Variants in TASOR observed in about 807,000 individuals in gnomAD.
TASOR encodes transcription activation suppressor.
TASOR carries 53 observed loss-of-function variants against 178.6 expected under a neutral mutation model. The ratio of observed to expected loss-of-function variants is 0.30; its 90% CI spans 0.24 to 0.37. TASOR has a LOEUF of 0.37. Among genes scored for constraint, TASOR ranks in the 10% least tolerant of loss-of-function variants. TASOR has a pLI of 1.00. For missense variants in TASOR, 1,815 were observed against 1,971.4 expected (o/e 0.92, Z 1.50); for synonymous variants, 713 against 696.2 (o/e 1.02, Z -0.38).
At position 56,682,938 on chromosome 3, in the gene TASOR, T is replaced by G; in HGVS notation, c.69A>C (p.Gly23=). ...TDASWESGGG[G]DDEMKQALPE... ...GAAGCGCCTGCTTCATCTCGTCGTC[T>G]CCGCCGCCGCCACTTTCCCAACTCG... The change falls in exon 1 of 24, where the codon GGA becomes GGC. Residue 23 remains glycine (G), a synonymous_variant. Transcript: ENST00000683822. 6.5e-7 allele frequency: 1 copy of G among 1,549,108 alleles called. No individual in the cohort carries two copies. Among genetic ancestry groups the G allele is most frequent in the South Asian group, 1.2e-5 (1 of 84,018 alleles).
At chr3:56,638,979 G>A (rs939906696) in intron 16 of TASOR, among the ~76,000 whole-genome samples, 23 of 152,090 alleles carry the variant, frequency 1.5e-4, no homozygotes, top group African/African-American at 2.4e-5. Flanking sequence ...AATGAGAAAC[G>A]GTTAGGATAA....
At chr3:56,644,336 G>GT (rs55646706) in intron 14 of TASOR, among the ~76,000 whole-genome samples, 28,159 of 152,120 alleles carry the variant, frequency 0.19, 3,428 homozygotes, top group South Asian at 0.41. Context: ...AGATAAGACA[G>GT]TATGTGTCAG....
At chr3:56,681,780 T>G (rs2031813644) in intron 1 of TASOR, among the ~76,000 whole-genome samples, 1 of 152,202 alleles carries the variant, frequency 6.6e-6, no homozygotes, top group South Asian at 2.1e-4. Flanking sequence ...AATTTTGACC[T>G]CCATTAGGAA....
intron 1 of TASOR, among the ~76,000 whole-genome samples, chr3:56,678,871 C>T (rs1395177919): frequency 2.0e-5 from 3 of 151,972 alleles, no homozygotes; most frequent in East Asian, 3.9e-4. Flanking sequence ...ATTAGCTGGG[C>T]GTGGTGGCAC....
chr3:56,631,997 A>C (rs7620259), intron 18 of TASOR, among the ~76,000 whole-genome samples: 1 of 151,982 alleles, frequency 6.6e-6, no homozygotes, highest in Non-Finnish European at 1.5e-5. Context: ...AAGATTATCA[A>C]GTTTCTTGAT....
In TASOR at chr3:56,623,536, T is replaced by A; in HGVS notation, c.4514A>T (p.Glu1505Val). Residue 1505 changes from glutamate (E) to valine (V), a missense_variant, in exon 24 of 24, where the codon GAG becomes GTG. Physicochemically the swap from Glu to Val is moderately radical, Grantham distance 121. Around this residue, in one of 5 missense-constraint regions of TASOR, gnomAD observed 278 missense variants for 257.1 expected, o/e 1.08. Coordinates refer to ENST00000683822, the MANE Select transcript of TASOR (RefSeq NM_001365635.2). The part of the protein sequence containing the change: ...ALLENDEKDE[E>V]DMSLDSGDEI... Reference sequence around the variant, plus strand: ...ATCCCCTGAATCCAGAGACATATCCTCTTCATCCTTTTCATCGTTTTCTAA... The same window carrying A: ...ATCCCCTGAATCCAGAGACATATCCACTTCATCCTTTTCATCGTTTTCTAA... 6.3e-7 allele frequency: 1 copy of A among 1,580,858 alleles called. No homozygotes were observed.
At chr3:56,642,829 C>A (rs1180478185) in intron 14 of TASOR, among the ~76,000 whole-genome samples, 2 of 151,956 alleles carry the variant, frequency 1.3e-5, no homozygotes, top group African/African-American at 4.8e-5. Context: ...ACAAAAAATT[C>A]GCTGGGCGTA....
chr3:56,675,330 C>T (rs771531536), intron 1 of TASOR, among the ~76,000 whole-genome samples: 14 of 152,010 alleles, frequency 9.2e-5, no homozygotes, highest in Non-Finnish European at 2.1e-4. Context: ...ATGCCTGCTA[C>T]CACGCCCAGC....
rs2107506604 is a variant in TASOR at position 56,621,339 on chromosome 3, C to T, written c.*1698G>A. The T allele has an allele frequency of 2.6e-6, 1 of 389,344 alleles. No homozygotes were observed. The highest frequency in any genetic ancestry group is 4.0e-5 in the East Asian group (1 of 24,874). The allele number at this position is 389,344 out of a possible 1,614,324, so 24.1% of individuals were successfully genotyped here. A position where few individuals can be genotyped will look rare whatever the true frequency, so the allele number is the denominator to read the frequency against. ...TCCCTATTGATTTTTATGCTAAAAA[C>T]AGAATCTTACAAATGTGATAGCTAT... On this transcript the variant is annotated 3_prime_UTR_variant, in exon 24 of 24. Coordinates refer to ENST00000683822, the MANE Select transcript of TASOR (RefSeq NM_001365635.2).
At position 56,658,892 on chromosome 3, in the gene TASOR, C is replaced by A. The variant is rs538103317; in HGVS notation, c.1368+1839G>T. The stretch of plus-strand genomic sequence containing the variant: ...CTGTGCCACTGCGCTCCAGCCTGGG[C>A]GAGAGAGTCTGTCTCAAAAAAAAAA... On this transcript the variant is annotated intron_variant, in intron 11 of 23. Transcript: ENST00000683822. 4.0e-3 allele frequency among the ~76,000 whole-genome samples: 601 copies of A among 148,914 alleles called. 2 individuals carry two copies. Among genetic ancestry groups the A allele is most frequent in the African/African-American group, 0.013 (546 of 40,448 alleles).
chr3:56,660,385 G>A (rs1174092156), intron 11 of TASOR, among the ~76,000 whole-genome samples: 1 of 151,422 alleles, frequency 6.6e-6, no homozygotes, highest in Non-Finnish European at 1.5e-5. Context: ...AGCTACTCAG[G>A]AGGCTGAGGC....
At chr3:56,643,121 G>A (rs917437400) in intron 14 of TASOR, among the ~76,000 whole-genome samples, 1 of 151,738 alleles carries the variant, frequency 6.6e-6, no homozygotes, top group Non-Finnish European at 1.5e-5. Flanking sequence ...AAAATTAGCT[G>A]GGTATGGTGG....
intron 11 of TASOR, among the ~76,000 whole-genome samples, chr3:56,654,386 G>A (rs71309973): frequency 0.032 from 4,755 of 148,982 alleles, 104 homozygotes; most frequent in Middle Eastern, 0.067. Flanking sequence ...AAAAGCTGTG[G>A]CAGGGGTGGG....
At chr3:56,647,406 G>A (rs1203758422) in intron 13 of TASOR, among the ~76,000 whole-genome samples, 183 bp from the exon 14 acceptor site, 2 of 152,006 alleles carry the variant, frequency 1.3e-5, no homozygotes, top group African/African-American at 4.8e-5. Flanking sequence ...TGCTTGTAAA[G>A]TCCAGGATCC....
At position 56,624,855 on chromosome 3, in the gene TASOR, G is replaced by GT; in HGVS notation, c.4290dup (p.Gln1431ThrfsTer22). ...GTTAAAAAGACTATGTGTCGTTGCT[G>GT]TATGTTCTGAGCCTGAAGTCTGATA... On this transcript the variant is annotated frameshift_variant, in exon 22 of 24. Transcript: ENST00000683822. LOFTEE classifies it high-confidence loss of function. 6.2e-7 allele frequency: 1 copy of GT among 1,614,138 alleles called. No individual in the cohort carries two copies. The highest frequency in any genetic ancestry group is 8.5e-7 in the Non-Finnish European group (1 of 1,180,012).
intron 23 of TASOR, 40 bp downstream of exon 23, chr3:56,624,439 C>CAT (rs774146404): frequency 4.4e-6 from 7 of 1,590,978 alleles, no homozygotes; most frequent in Non-Finnish European, 6.0e-6. Context: ...TCCTCTTTTT[C>CAT]TGTCTGCGTT....
chr3:56,653,691 AGTCT>A (rs199901439), intron 11 of TASOR, among the ~76,000 whole-genome samples: 1,849 of 106,276 alleles, frequency 0.017, 41 homozygotes, highest in African/African-American at 0.076. Context: ...AGTAGATCTT[AGTCT>A]CAACAAATTT....
rs186031946 is a variant in TASOR, at chr3:56,627,300, C to T, written c.4031-155G>A. 1.5e-3 allele frequency among the ~76,000 whole-genome samples: 234 copies of T among 151,956 alleles called. 1 individual carries two copies. Among genetic ancestry groups the T allele is most frequent in the African/African-American group, 5.5e-3 (226 of 41,422 alleles). ...TCTAAGGGAGACAGATCTATACATG[C>T]CTAAAGCTCTAATAATATAACATCT... On this transcript the variant is annotated intron_variant, in intron 20 of 23. Transcript: ENST00000683822.
Position 56,621,743 on chromosome 3 carries a change from T to A in TASOR, c.*1294A>T, listed in dbSNP as rs994618630. On this transcript the variant is annotated 3_prime_UTR_variant, in exon 24 of 24. Coordinates refer to ENST00000683822, the MANE Select transcript of TASOR (RefSeq NM_001365635.2). ...ATTTTTTTAAATGCTCATTAAAAACTTGTATACTATGTAGTAAAATGCTGT... is the reference window on the plus strand; with the variant it reads ...ATTTTTTTAAATGCTCATTAAAAACATGTATACTATGTAGTAAAATGCTGT... 1.9e-5 allele frequency: 11 copies of A among 578,534 alleles called. No individual in the cohort carries two copies. Among genetic ancestry groups the A allele is most frequent in the African/African-American group, 1.3e-4 (7 of 53,316 alleles). The allele number at this position is 578,534 out of a possible 1,614,324, so 35.8% of individuals were successfully genotyped here. A position where few individuals can be genotyped will look rare whatever the true frequency, so the allele number is the denominator to read the frequency against.
Sources: allele counts gnomAD v4.1 joint callset (sites outside exome capture counted in the v4.1 genomes callset), GRCh38; gene constraint gnomAD v4.1.1; regional missense constraint gnomAD v4.1.1; transcripts MANE v1.5; gene names NCBI Gene and HGNC (gene_info 2026-07-23, HGNC 2026-07-21).